Variants in TCF20 observed in about 807,000 individuals in gnomAD.
TCF20 encodes transcription factor 20.
Under a neutral mutation model 148.6 loss-of-function variants are expected in TCF20, and 3 were observed. The observed-to-expected ratio is 0.02, with a 90% CI of 0.01 to 0.05. The LOEUF is 0.05. Ranked by LOEUF, TCF20 falls within the 10% of genes least tolerant of loss-of-function variation. TCF20 has a pLI of 1.00. For synonymous variants in TCF20, 1,049 were observed against 909.5 expected (o/e 1.15, Z -2.76); for missense variants, 2,350 against 2,429.3 (o/e 0.97, Z 0.69).
rs548620622 is a variant in TCF20, at chr22:42,225,766, G to A, written c.-36-10425C>T. ...GGACCCCACAAGTCAGAAGCAGGAG[G>A]GAAGGGAGGAGCCTGCCAGACAGGA... On this transcript the variant is annotated intron_variant, in intron 1 of 5. Transcript: ENST00000677622. 3.3e-5 allele frequency among the ~76,000 whole-genome samples: 5 copies of A among 152,292 alleles called. No individual in the cohort carries two copies. The South Asian group carries it at 1.0e-3, about 32-fold the overall frequency.
chr22:42,161,204 C>T lies in TCF20; in HGVS notation c.*199G>A. 2.5e-6 allele frequency: 2 copies of T among 814,930 alleles called. No individual in the cohort carries two copies. The highest frequency in any genetic ancestry group is 3.6e-6 in the Non-Finnish European group (2 of 553,878). The allele number at this position is 814,930 out of a possible 1,614,324, so 50.5% of individuals were successfully genotyped here. On this transcript the variant is annotated 3_prime_UTR_variant, in exon 6 of 6. Transcript: ENST00000677622. ...CTTGGGTCTTTCTTTCCTGTGGTGTCACTGGTTTGAGTGTGATGTGAGAAC... is the reference window on the plus strand; with the variant it reads ...CTTGGGTCTTTCTTTCCTGTGGTGTTACTGGTTTGAGTGTGATGTGAGAAC...
intron 2 of TCF20, among the ~76,000 whole-genome samples, chr22:42,204,666 G>GA (rs1938269394): frequency 6.6e-6 from 1 of 151,930 alleles, no homozygotes; most frequent in Non-Finnish European, 1.5e-5. Flanking sequence ...CCAACATGGT[G>GA]AAACCCTGTC....
At chr22:42,232,864 A>G (rs1415886643) in intron 1 of TCF20, among the ~76,000 whole-genome samples, 3 of 151,856 alleles carry the variant, frequency 2.0e-5, no homozygotes, top group Non-Finnish European at 2.9e-5. Flanking sequence ...AATAAAATTT[A>G]AAAGAAAACA....
chr22:42,312,058 C>A (rs141154269), intron 1 of TCF20, among the ~76,000 whole-genome samples: 281 of 152,318 alleles, frequency 1.8e-3, no homozygotes, highest in African/African-American at 6.0e-3. Context: ...GGGAAGGTTG[C>A]TCCTAGGACT....
At chr22:42,205,002 C>G (rs978765562) in intron 2 of TCF20, among the ~76,000 whole-genome samples, 2 of 152,200 alleles carry the variant, frequency 1.3e-5, no homozygotes, top group Non-Finnish European at 2.9e-5. Flanking sequence ...CCCGACTCCC[C>G]CACTAGTAGG....
chr22:42,238,995 G>A (rs2147301959), intron 1 of TCF20, among the ~76,000 whole-genome samples: 1 of 152,158 alleles, frequency 6.6e-6, no homozygotes, highest in South Asian at 2.1e-4. Flanking sequence ...GCGGGCACCT[G>A]TAGTCCCAGC....
chr22:42,302,718 C>A (rs890610627), intron 1 of TCF20, among the ~76,000 whole-genome samples: 1 of 152,172 alleles, frequency 6.6e-6, no homozygotes, highest in Non-Finnish European at 1.5e-5. Context: ...AGGACTTATC[C>A]AGAACCCCCC....
At chr22:42,170,379 T>G (rs1349049637) in intron 3 of TCF20, among the ~76,000 whole-genome samples, 1 of 151,444 alleles carries the variant, frequency 6.6e-6, no homozygotes, top group Non-Finnish European at 1.5e-5. Flanking sequence ...GTGATGGCAC[T>G]TGCCTATAGT....
rs3045573 is a variant in TCF20, at chr22:42,161,972, C to CTTTTTTTTTTTTTTT, written c.*45-629_*45-615dup. On this transcript the variant is annotated intron_variant, in intron 5 of 5. Transcript: ENST00000677622. ...GCCACCATGCTTGGCTAATGACAGT[C>CTTTTTTTTTTTTTTT]TTTTTTTTTTTTTTTTTTTTTTTTT... 1.7e-4 allele frequency among the ~76,000 whole-genome samples: 13 copies of CTTTTTTTTTTTTTTT among 75,028 alleles called. 2 individuals are homozygous for CTTTTTTTTTTTTTTT. Among genetic ancestry groups the CTTTTTTTTTTTTTTT allele is most frequent in the African/African-American group, 7.7e-4 (12 of 15,664 alleles). 49.2% of individuals were successfully genotyped at this position (75,028 alleles called of 152,430 possible).
chr22:42,218,114 C>T (rs745415636), intron 1 of TCF20, among the ~76,000 whole-genome samples: 4 of 152,210 alleles, frequency 2.6e-5, no homozygotes, highest in Non-Finnish European at 5.9e-5. Context: ...TGTTCCAGCA[C>T]TTCACATACA....
intron 1 of TCF20, among the ~76,000 whole-genome samples, chr22:42,252,144 G>A (rs549110546): frequency 8.6e-5 from 13 of 151,432 alleles, no homozygotes; most frequent in East Asian, 7.9e-4. Flanking sequence ...AAAATTAGCC[G>A]GGTGTGGTGG....
rs1491280192 is a variant in TCF20 at position 42,242,227 on chromosome 22, A to AAAAAT, written c.-36-26887_-36-26886insATTTT. On this transcript the variant is annotated intron_variant, in intron 1 of 5. Transcript: ENST00000677622. ...CAAAAAAAAAAAAAAAAAAAAAAAA[A>AAAAAT]CAGAAAAGAAAGGGTGACTACAAGG... Among the ~76,000 whole-genome samples, 238 of 122,724 alleles carry AAAAAT rather than the reference A, an allele frequency of 1.9e-3. 10 individuals are homozygous for AAAAAT. Among genetic ancestry groups the AAAAAT allele is most frequent in the Middle Eastern group, 4.3e-3 (1 of 232 alleles). The allele number at this position is 122,724 out of a possible 152,430, so 80.5% of individuals were successfully genotyped here.
At chr22:42,300,528 G>C (rs1227403975) in intron 1 of TCF20, among the ~76,000 whole-genome samples, 1 of 152,188 alleles carries the variant, frequency 6.6e-6, no homozygotes, top group Non-Finnish European at 1.5e-5. Context: ...CCCAGGAAGG[G>C]AAAGGCACTT....
chr22:42,246,135 T>G (rs1442094849), intron 1 of TCF20, among the ~76,000 whole-genome samples: 1 of 152,198 alleles, frequency 6.6e-6, no homozygotes, highest in East Asian at 1.9e-4. Flanking sequence ...AGATGGAGTC[T>G]CACTCTGTCA....
chr22:42,240,701 A>G (rs138770784), intron 1 of TCF20, among the ~76,000 whole-genome samples: 170 of 152,302 alleles, frequency 1.1e-3, no homozygotes, highest in African/African-American at 4.0e-3. Context: ...CTTATAACTC[A>G]TAACTCAGTA....
At chr22:42,301,170 A>C (rs2147033801) in intron 1 of TCF20, among the ~76,000 whole-genome samples, 1 of 152,266 alleles carries the variant, frequency 6.6e-6, no homozygotes, top group African/African-American at 2.4e-5. Context: ...GAAATGCGGA[A>C]GTTTATCTTG....
rs1180749876 is a variant in TCF20 at position 42,211,072 on chromosome 22, C to A, written c.4234G>T (p.Val1412Leu). 1 of 1,614,044 alleles carries A rather than the reference C, an allele frequency of 6.2e-7. No homozygotes were observed. The highest frequency in any genetic ancestry group is 1.7e-5 in the Admixed American group (1 of 60,006). Residue 1412 changes from valine to leucine, a missense_variant, in exon 2 of 6, where the codon GTG becomes TTG. Physicochemically the swap from Val to Leu is conservative, Grantham distance 32. Around this residue, in one of 7 missense-constraint regions of TCF20, gnomAD observed 231 missense variants for 213.7 expected, o/e 1.08. Coordinates refer to ENST00000677622, the MANE Select transcript of TCF20 (RefSeq NM_001378418.1). ...GCTGGACTGACTAGGTCCGAAGCCACCTCACCTTTTCTCTTCTCTATGTCA... is the reference window on the plus strand; with the variant it reads ...GCTGGACTGACTAGGTCCGAAGCCAACTCACCTTTTCTCTTCTCTATGTCA... ...DADIEKRKGE[V>L]ASDLVSPANQ...
intron 1 of TCF20, among the ~76,000 whole-genome samples, chr22:42,257,417 T>G (rs1190718133): frequency 6.6e-6 from 1 of 152,142 alleles, no homozygotes; most frequent in African/African-American, 2.4e-5. Context: ...CACAAAGACA[T>G]AGATTAATAA....
intron 1 of TCF20, among the ~76,000 whole-genome samples, chr22:42,219,354 T>TAAAAAAAAAAAAAAAAAAAA (rs1922121099): frequency 9.8e-5 from 1 of 10,238 alleles, no homozygotes; most frequent in Non-Finnish European, 1.6e-4. Flanking sequence ...TAACCCTGTC[T>TAAAAAAAAAAAAAAAAAAAA]CAAAAAAAAA....
Sources: gnomAD v4.1 joint callset for allele counts (sites outside exome capture counted in the v4.1 genomes callset) on GRCh38, gnomAD v4.1.1 for gene constraint, gnomAD v4.1.1 regional missense constraint, MANE v1.5 for transcripts, NCBI Gene and HGNC (gene_info 2026-07-23, HGNC 2026-07-21) for gene names.